Variants in STX7 observed in about 807,000 individuals in gnomAD.
The protein encoded by STX7 is syntaxin 7.
A neutral mutation model predicts 39.6 loss-of-function variants in STX7; 34 were observed. The observed-to-expected ratio is 0.86, with a 90% CI of 0.65 to 1.14. The LOEUF (loss-of-function observed/expected upper bound fraction) is 1.14. Among genes scored for constraint, STX7 ranks in the 50% most tolerant of loss-of-function variants. The pLI is 0.00. For missense variants in STX7, 284 were observed against 310.4 expected (o/e 0.92, Z 0.64); for synonymous variants, 119 against 99.1 (o/e 1.20, Z -1.19).
chr6:132,472,624 AG>A (rs1281480184), intron 3 of STX7, among the ~76,000 whole-genome samples: 1 of 152,362 alleles, frequency 6.6e-6, no homozygotes, highest in East Asian at 1.9e-4. Context: ...ACGGCCATTT[AG>A]AAACACAGAT....
chr6:132,505,003 G>A (rs1775661815), intron 1 of STX7, among the ~76,000 whole-genome samples: 1 of 152,222 alleles, frequency 6.6e-6, no homozygotes, highest in East Asian at 1.9e-4. Flanking sequence ...ATGATTCACA[G>A]CTGGGACAAG....
At chr6:132,502,779 G>T (rs1485425241) in intron 2 of STX7, among the ~76,000 whole-genome samples, 3 of 151,996 alleles carry the variant, frequency 2.0e-5, no homozygotes, top group Non-Finnish European at 4.4e-5. Context: ...GGCGCCTGTA[G>T]TCCCAGCTAC....
intron 2 of STX7, among the ~76,000 whole-genome samples, chr6:132,491,818 C>T (rs1178832570): frequency 6.6e-6 from 1 of 152,104 alleles, no homozygotes; most frequent in African/African-American, 2.4e-5. Context: ...TCCCCTGGCC[C>T]CAACTCCAAC....
At chr6:132,475,785 A>T (rs865971388) in intron 2 of STX7, 123 bp from the exon 3 acceptor site, 6 of 324,420 alleles carry the variant, frequency 1.8e-5, no homozygotes, top group Non-Finnish European at 3.0e-5. Context: ...AGATGAAAAT[A>T]GAAAATATTA....
chr6:132,463,355 C>CA (rs1399451312), intron 9 of STX7, among the ~76,000 whole-genome samples: 40 of 152,264 alleles, frequency 2.6e-4, no homozygotes, highest in African/African-American at 9.1e-4. Context: ...CAAAGGTCTG[C>CA]ATATTGTATG....
Position 132,452,759 on chromosome 6 carries a change from G to A in STX7, c.*7999C>T, listed in dbSNP as rs1358512590. The stretch of plus-strand genomic sequence containing the variant: ...CTGAAATGAAGTGAAGTGATCCTGT[G>A]ATCATGATCGGGAAGGCTTAACATG... On this transcript the variant is annotated 3_prime_UTR_variant, in exon 10 of 10. Transcript: ENST00000367941. 2.6e-5 allele frequency: 4 copies of A among 152,134 alleles called. No homozygotes were observed. The highest frequency in any genetic ancestry group is 9.7e-5 in the African/African-American group (4 of 41,430). The allele number at this position is 152,134 out of a possible 1,614,324, so 9.4% of individuals were successfully genotyped here. A position where few individuals can be genotyped will look rare whatever the true frequency, so the allele number is the denominator to read the frequency against.
At position 132,454,787 on chromosome 6, in the gene STX7, C is replaced by A. The variant is rs894156878; in HGVS notation, c.*5971G>T. On this transcript the variant is annotated 3_prime_UTR_variant, in exon 10 of 10. Transcript: ENST00000367941. ...TGCCTCCAAGATAGAACATGAATTT[C>A]TTGAACAAGAAATGTTTATTGCCTC... The A allele has an allele frequency of 6.6e-6, 1 of 151,990 alleles. No individual in the cohort carries two copies. The highest frequency in any genetic ancestry group is 1.5e-5 in the Non-Finnish European group (1 of 67,946). 9.4% of individuals were successfully genotyped at this position (151,990 alleles called of 1,614,324 possible).
intron 2 of STX7, among the ~76,000 whole-genome samples, chr6:132,493,082 T>A (rs930749494): frequency 6.6e-6 from 1 of 152,182 alleles, no homozygotes; most frequent in Non-Finnish European, 1.5e-5. Context: ...TCTTTGACTT[T>A]ATATGGAATA....
intron 2 of STX7, among the ~76,000 whole-genome samples, chr6:132,496,545 T>C (rs1376604469): frequency 1.3e-5 from 2 of 152,202 alleles, no homozygotes; most frequent in Non-Finnish European, 2.9e-5. Context: ...TATGGGATTT[T>C]ATGAGCATGC....
In STX7 at chr6:132,452,203, T is replaced by G. The variant is rs902479908; in HGVS notation, c.*8555A>C. The G allele has an allele frequency of 3.9e-5, 6 of 151,928 alleles. No individual in the cohort carries two copies. Among genetic ancestry groups the G allele is most frequent in the Admixed American group, 1.3e-4 (2 of 15,264 alleles). 9.4% of individuals were successfully genotyped at this position (151,928 alleles called of 1,614,324 possible). The stretch of plus-strand genomic sequence containing the variant: ...CAACATAAAATTCATAATAAAAACT[T>G]GCAGAAAAAAAGGAATAAAAGATAA... On this transcript the variant is annotated 3_prime_UTR_variant, in exon 10 of 10. Coordinates refer to ENST00000367941, the MANE Select transcript of STX7 (RefSeq NM_003569.3).
chr6:132,461,729 A>T, intron 9 of STX7: 4 of 1,156,264 alleles, frequency 3.5e-6, no homozygotes, highest in Non-Finnish European at 4.8e-6. Flanking sequence ...AAAACCACAG[A>T]GCAAACAAAA....
intron 2 of STX7, among the ~76,000 whole-genome samples, chr6:132,486,822 T>A (rs1392442493): frequency 2.6e-5 from 4 of 151,992 alleles, no homozygotes; most frequent in Non-Finnish European, 5.9e-5. Context: ...CCCGCCACCA[T>A]GCCCAGCTAA....
At position 132,453,529 on chromosome 6, in the gene STX7, T is replaced by TACACACACACACACACAGAGGC. The variant is rs1582638003; in HGVS notation, c.*7207_*7228dup. On this transcript the variant is annotated 3_prime_UTR_variant, in exon 10 of 10. Coordinates refer to ENST00000367941, the MANE Select transcript of STX7 (RefSeq NM_003569.3). ...CAAAGGACTAGTATCTAGAAAAAAA[T>TACACACACACACACACAGAGGC]ACACACACACACACACAGAGGCACA... 6.8e-6 allele frequency: 1 copy of TACACACACACACACACAGAGGC among 146,496 alleles called. No homozygotes were observed. Among genetic ancestry groups the TACACACACACACACACAGAGGC allele is most frequent in the African/African-American group, 2.5e-5 (1 of 39,674 alleles). The allele number at this position is 146,496 out of a possible 1,614,324, so 9.1% of individuals were successfully genotyped here.
chr6:132,450,949 C>T lies in STX7; in HGVS notation c.*9809G>A, dbSNP rs1774124528. ...AGAAGACCTCAAATATAATAAACCC[C>T]CCAAATCTACAAGATACATCATGGT... On this transcript the variant is annotated 3_prime_UTR_variant, in exon 10 of 10. Transcript: ENST00000367941. 1 of 151,426 alleles carries T rather than the reference C, an allele frequency of 6.6e-6. No individual in the cohort carries two copies. The highest frequency in any genetic ancestry group is 2.4e-5 in the African/African-American group (1 of 41,192). The allele number at this position is 151,426 out of a possible 1,614,324, so 9.4% of individuals were successfully genotyped here.
In STX7 at chr6:132,446,842, G is replaced by A. The variant is rs1244677096; in HGVS notation, c.*13916C>T. 6.6e-6 allele frequency: 1 copy of A among 152,082 alleles called. No individual in the cohort carries two copies. The highest frequency in any genetic ancestry group is 2.4e-5 in the African/African-American group (1 of 41,414). The allele number at this position is 152,082 out of a possible 1,614,324, so 9.4% of individuals were successfully genotyped here. ...AACCAATCTCTGAGGCAAAAAGAAT[G>A]CTATTAGGCTGACTGATTTATGTAA... On this transcript the variant is annotated 3_prime_UTR_variant, in exon 10 of 10. Coordinates refer to ENST00000367941, the MANE Select transcript of STX7 (RefSeq NM_003569.3).
At chr6:132,482,080 T>C (rs1775027252) in intron 2 of STX7, among the ~76,000 whole-genome samples, 1 of 152,192 alleles carries the variant, frequency 6.6e-6, no homozygotes, top group South Asian at 2.1e-4. Flanking sequence ...CAATGAATAG[T>C]TTTATGAGTG....
chr6:132,459,929 A>G lies in STX7; in HGVS notation c.*829T>C, dbSNP rs1348716674. The G allele has an allele frequency of 6.6e-6, 1 of 152,216 alleles. No homozygotes were observed. Among genetic ancestry groups the G allele is most frequent in the Non-Finnish European group, 1.5e-5 (1 of 68,034 alleles). 9.4% of individuals were successfully genotyped at this position (152,216 alleles called of 1,614,324 possible). The stretch of plus-strand genomic sequence containing the variant: ...GGGAAGGTAAATAATGGCCCACAAA[A>G]CCAGATGATATGGTTAAGATAACTA... On this transcript the variant is annotated 3_prime_UTR_variant, in exon 10 of 10. Coordinates refer to ENST00000367941, the MANE Select transcript of STX7 (RefSeq NM_003569.3).
chr6:132,486,668 T>A (rs1775140189), intron 2 of STX7, among the ~76,000 whole-genome samples: 1 of 148,346 alleles, frequency 6.7e-6, no homozygotes, highest in African/African-American at 2.5e-5. Flanking sequence ...TTCTGGGTTT[T>A]TTTTTTTTTT....
At chr6:132,492,757 G>C (rs1374197965) in intron 2 of STX7, among the ~76,000 whole-genome samples, 2 of 152,174 alleles carry the variant, frequency 1.3e-5, no homozygotes, top group African/African-American at 4.8e-5. Context: ...ACAAAAAAAG[G>C]AATAAAAGAT....
Sources: allele counts gnomAD v4.1 joint callset (sites outside exome capture counted in the v4.1 genomes callset), GRCh38; gene constraint gnomAD v4.1.1; transcripts MANE v1.5; gene names NCBI Gene and HGNC (gene_info 2026-07-23, HGNC 2026-07-21).